Variants in CDK5RAP2 observed in about 807,000 individuals in gnomAD.
CDK5RAP2 encodes the protein CDK5 regulatory subunit associated protein 2.
In CDK5RAP2, 147 loss-of-function variants were observed where a neutral mutation model predicts 232.9. The ratio of observed to expected loss-of-function variants is 0.63; its 90% CI spans 0.55 to 0.72. The LOEUF (loss-of-function observed/expected upper bound fraction) is 0.72, where lower values mean the gene tolerates loss of function less well. Among genes scored for constraint, CDK5RAP2 ranks in the 30% least tolerant of loss-of-function variants. The pLI is 0.00. For synonymous variants in CDK5RAP2, 833 were observed against 833.7 expected (o/e 1.00, Z 0.01); for missense variants, 2,195 against 2,231.5 (o/e 0.98, Z 0.33).
In CDK5RAP2 at chr9:120,437,273, T is replaced by C. The variant is rs1225025272; in HGVS notation, c.3955+22A>G. On this transcript the variant is annotated intron_variant, in intron 25 of 37. Transcript: ENST00000349780. ...GGGTCAATTACTGATGTCTTAAGACTCGCGTACCTCACCCTACCTACCGTT... is the reference window on the plus strand; with the variant it reads ...GGGTCAATTACTGATGTCTTAAGACCCGCGTACCTCACCCTACCTACCGTT... The C allele has an allele frequency of 3.9e-6, 6 of 1,548,546 alleles. No individual in the cohort carries two copies. The South Asian group carries it at 6.9e-5, about 18-fold the overall frequency.
At chr9:120,455,874 AAT>A in intron 20 of CDK5RAP2, among the ~76,000 whole-genome samples, 1 of 152,210 alleles carries the variant, frequency 6.6e-6, no homozygotes, top group Non-Finnish European at 1.5e-5. Flanking sequence ...ACACCTAAAA[AAT>A]AGTGTAAGGT....
chr9:120,397,192 G>A (rs2032545115), intron 35 of CDK5RAP2, among the ~76,000 whole-genome samples: 1 of 152,060 alleles, frequency 6.6e-6, no homozygotes, highest in African/African-American at 2.4e-5. Context: ...TTCTTTTTAT[G>A]GTGAAAAAAA....
intron 12 of CDK5RAP2, among the ~76,000 whole-genome samples, chr9:120,503,600 C>A (rs1295306413): frequency 1.3e-5 from 2 of 152,214 alleles, no homozygotes; most frequent in African/African-American, 4.8e-5. Context: ...CCTGCCTCTA[C>A]TGCTAACTGG....
chr9:120,430,009 G>A (rs2035181266), intron 25 of CDK5RAP2, among the ~76,000 whole-genome samples: 1 of 152,188 alleles, frequency 6.6e-6, no homozygotes, highest in African/African-American at 2.4e-5. Flanking sequence ...AAGCAATGGG[G>A]AAAGGATTCC....
At chr9:120,486,707 G>A (rs1024813462) in intron 14 of CDK5RAP2, among the ~76,000 whole-genome samples, 2 of 152,098 alleles carry the variant, frequency 1.3e-5, no homozygotes, top group African/African-American at 4.8e-5. Flanking sequence ...GAAAACGGGG[G>A]ACCACACTAC....
intron 35 of CDK5RAP2, among the ~76,000 whole-genome samples, chr9:120,396,635 C>T (rs538763646): frequency 1.2e-4 from 18 of 152,316 alleles, no homozygotes; most frequent in Admixed American, 6.5e-4. Context: ...TACTTGTTTG[C>T]TTCCTGTACT....
rs754301674 is a variant in CDK5RAP2 at position 120,409,245 on chromosome 9, G to A, written c.4486C>T (p.Arg1496Trp). The change falls in exon 30 of 38, where the codon CGG (arginine) becomes TGG (tryptophan). Residue 1496 changes from arginine to tryptophan, a missense_variant. By Grantham distance (101) the Arg-to-Trp change is moderately radical. Transcript: ENST00000349780. ...RKTVSLEHLQ[R>W]EYASVKEENE... ...TCTTCCTTCACGCTGGCATACTCCC[G>A]CTGAAGGTGCTCCAGGCTCACGGTC... is the stretch of plus-strand genomic sequence containing the variant. 1.9e-5 allele frequency: 31 copies of A among 1,613,684 alleles called. No homozygotes were observed. The highest frequency in any genetic ancestry group is 1.6e-4 in the Middle Eastern group (1 of 6,078).
intron 21 of CDK5RAP2, 25 bp downstream of exon 21, chr9:120,453,431 A>G: frequency 6.3e-7 from 1 of 1,591,516 alleles, no homozygotes; most frequent in Non-Finnish European, 8.6e-7. Flanking sequence ...AAGTAAGTAC[A>G]TAATTATTAC....
chr9:120,487,603 G>A (rs971776075), intron 13 of CDK5RAP2, among the ~76,000 whole-genome samples, 166 bp from the exon 14 acceptor site: 1 of 152,150 alleles, frequency 6.6e-6, no homozygotes, highest in Non-Finnish European at 1.5e-5. Context: ...AAACTGTCAT[G>A]CAACTCCATT....
At chr9:120,567,124 G>A (rs544895460) in intron 3 of CDK5RAP2, among the ~76,000 whole-genome samples, 3 of 152,310 alleles carry the variant, frequency 2.0e-5, no homozygotes, top group African/African-American at 7.2e-5. Flanking sequence ...CCATTTAATA[G>A]TAGAGCATAT....
At chr9:120,578,550 A>ATTAATTAT (rs1297883815) in intron 1 of CDK5RAP2, among the ~76,000 whole-genome samples, 1 of 142,728 alleles carries the variant, frequency 7.0e-6, no homozygotes. Context: ...GGGCATAAAT[A>ATTAATTAT]TTAATTATTT....
intron 12 of CDK5RAP2, among the ~76,000 whole-genome samples, chr9:120,505,923 A>C (rs1043029911): frequency 1.3e-5 from 2 of 152,252 alleles, no homozygotes; most frequent in South Asian, 4.1e-4. Flanking sequence ...AGGTAAAGTT[A>C]CAAGTGCTGA....
chr9:120,390,056 C>T (rs964827598), intron 36 of CDK5RAP2: 3 of 466,806 alleles, frequency 6.4e-6, no homozygotes, highest in East Asian at 4.1e-5. Flanking sequence ...CATGCTATGC[C>T]GGTTCAGAGA....
intron 12 of CDK5RAP2, among the ~76,000 whole-genome samples, chr9:120,511,890 A>G (rs1217341541): frequency 6.6e-6 from 1 of 151,998 alleles, no homozygotes; most frequent in African/African-American, 2.4e-5. Context: ...GGTGTCTGCC[A>G]CCACACCCAG....
At position 120,403,366 on chromosome 9, in the gene CDK5RAP2, T is replaced by G. The variant is rs1440151903; in HGVS notation, c.5042-295A>C. 2 of 438,776 alleles carry G rather than the reference T, an allele frequency of 4.6e-6. No homozygotes were observed. Among genetic ancestry groups the G allele is most frequent in the East Asian group, 9.7e-5 (2 of 20,720 alleles). The allele number at this position is 438,776 out of a possible 1,614,324, so 27.2% of individuals were successfully genotyped here. A position where few individuals can be genotyped will look rare whatever the true frequency, so the allele number is the denominator to read the frequency against. ...GGATGACTCAAGCTGGTGCCTGCAT[T>G]CCAGTAGCCCACAGTCTGATCAGAA... On this transcript the variant is annotated intron_variant, in intron 33 of 37. Transcript: ENST00000349780. The surrounding 1 kb of genome is among the most constrained non-coding windows in gnomAD (Gnocchi z 4.2).
chr9:120,470,681 G>A (rs1334947601), intron 16 of CDK5RAP2, among the ~76,000 whole-genome samples: 1 of 151,322 alleles, frequency 6.6e-6, no homozygotes, highest in East Asian at 1.9e-4. Flanking sequence ...GAACCCTCAT[G>A]GGAAACAAGC....
At chr9:120,438,872 A>G (rs1376434122) in intron 24 of CDK5RAP2, among the ~76,000 whole-genome samples, 7 of 152,234 alleles carry the variant, frequency 4.6e-5, no homozygotes, top group African/African-American at 1.2e-4. Flanking sequence ...AAAACCGTAT[A>G]TATCTATGCC....
chr9:120,536,064 C>T (rs1035093160), intron 7 of CDK5RAP2, among the ~76,000 whole-genome samples: 6 of 151,994 alleles, frequency 3.9e-5, no homozygotes, highest in Admixed American at 3.3e-4. Flanking sequence ...ACCCTTTTTC[C>T]TTTGGCTCCC....
At chr9:120,579,770 C>G in intron 1 of CDK5RAP2, 150 bp downstream of exon 1, 2 of 641,322 alleles carry the variant, frequency 3.1e-6, no homozygotes. Context: ...AGGTGGTGGG[C>G]CCCCCAGAGA....
Sources: gnomAD v4.1 joint callset for allele counts (sites outside exome capture counted in the v4.1 genomes callset) on GRCh38, gnomAD v4.1.1 for gene constraint, Gnocchi (gnomAD v3.1) non-coding constraint, MANE v1.5 for transcripts, NCBI Gene and HGNC (gene_info 2026-07-23, HGNC 2026-07-21) for gene names.